The following CADM1 variants were observed in gnomAD, a reference collection of about 807,000 sequenced individuals.
The protein encoded by CADM1 is cell adhesion molecule 1, also known as TSLC-1.
In CADM1, 15 loss-of-function variants were observed where a neutral mutation model predicts 53.1. The observed-to-expected ratio is 0.28, with a 90% CI of 0.19 to 0.44. The LOEUF (loss-of-function observed/expected upper bound fraction) is 0.44, where lower values mean the gene tolerates loss of function less well. CADM1 is among the 20% of genes least tolerant of loss of function. The pLI is 1.00. For missense variants in CADM1, 434 were observed against 611.3 expected (o/e 0.71, Z 3.06); for synonymous variants, 281 against 243.0 (o/e 1.16, Z -1.45).
chr11:115,237,449 C>T (rs1296673083), intron 3 of CADM1, among the ~76,000 whole-genome samples: 3 of 152,184 alleles, frequency 2.0e-5, no homozygotes, highest in African/African-American at 7.2e-5. Context: ...AATTTCCCTT[C>T]TACAGCTGTG....
intron 1 of CADM1, among the ~76,000 whole-genome samples, chr11:115,280,138 T>G (rs1332598719): frequency 1.3e-5 from 2 of 152,226 alleles, no homozygotes; most frequent in African/African-American, 4.8e-5. Flanking sequence ...ATCTTATTTC[T>G]GTGTTTCAAA....
chr11:115,412,111 C>A (rs188643457), intron 1 of CADM1, among the ~76,000 whole-genome samples: 3 of 152,138 alleles, frequency 2.0e-5, no homozygotes, highest in Admixed American at 2.0e-4. Context: ...CTTTATAATG[C>A]GAACTTAAGC....
intron 1 of CADM1, among the ~76,000 whole-genome samples, chr11:115,410,433 ATTGT>A (rs1249814556): frequency 6.6e-6 from 1 of 152,074 alleles, no homozygotes; most frequent in Non-Finnish European, 1.5e-5. Context: ...ATTTTCTTGC[ATTGT>A]TTAATTTAGA....
chr11:115,279,220 T>C (rs1022885245), intron 1 of CADM1, among the ~76,000 whole-genome samples: 1 of 152,180 alleles, frequency 6.6e-6, no homozygotes, highest in Non-Finnish European at 1.5e-5. Flanking sequence ...CATTAGCACT[T>C]ATTTCTAATT....
chr11:115,192,530 T>C (rs1016496176), intron 9 of CADM1, among the ~76,000 whole-genome samples: 4 of 152,222 alleles, frequency 2.6e-5, no homozygotes, highest in African/African-American at 9.6e-5. Context: ...TTTAAATAAC[T>C]GTTATAAATA....
chr11:115,383,132 A>G (rs947467129), intron 1 of CADM1, among the ~76,000 whole-genome samples: 3 of 152,194 alleles, frequency 2.0e-5, no homozygotes, highest in African/African-American at 4.8e-5. Context: ...TGATTCTTCT[A>G]TAACATTTTA....
chr11:115,202,851 G>T (rs45458897), intron 8 of CADM1, among the ~76,000 whole-genome samples: 4,715 of 145,356 alleles, frequency 0.032, 99 homozygotes, highest in Non-Finnish European at 0.053. Context: ...TATATGGTGG[G>T]TTTTTTTTTT....
At chr11:115,359,721 T>C (rs1231094665) in intron 1 of CADM1, among the ~76,000 whole-genome samples, 1 of 152,180 alleles carries the variant, frequency 6.6e-6, no homozygotes, top group Non-Finnish European at 1.5e-5. Flanking sequence ...GACTCAATCT[T>C]TGTTGAATGT....
intron 1 of CADM1, chr11:115,399,247 C>T (rs1046783373): frequency 1.3e-5 from 2 of 152,158 alleles, no homozygotes; most frequent in African/African-American, 4.8e-5. Context: ...AAGTTGGAAG[C>T]TGGTCCTTTT....
intron 1 of CADM1, among the ~76,000 whole-genome samples, chr11:115,258,980 G>T (rs138891582): frequency 9.9e-5 from 15 of 152,052 alleles, no homozygotes; most frequent in African/African-American, 3.6e-4. Flanking sequence ...AGAGAAAAAT[G>T]TTAACTTTCC....
chr11:115,373,696 A>G (rs1446659892), intron 1 of CADM1, among the ~76,000 whole-genome samples: 1 of 152,020 alleles, frequency 6.6e-6, no homozygotes, highest in Non-Finnish European at 1.5e-5. Flanking sequence ...TTAAGTATCT[A>G]TAACATAAAA....
chr11:115,214,067 C>T (rs1410243064), intron 7 of CADM1, among the ~76,000 whole-genome samples: 1 of 152,016 alleles, frequency 6.6e-6, no homozygotes, highest in Non-Finnish European at 1.5e-5. Flanking sequence ...AAAACAGACA[C>T]ATTTTTTAAA....
intron 8 of CADM1, among the ~76,000 whole-genome samples, chr11:115,200,670 T>C (rs1940382239): frequency 1.3e-5 from 2 of 152,194 alleles, no homozygotes; most frequent in African/African-American, 4.8e-5. Flanking sequence ...TAATTTTGTA[T>C]TTTTAGTGGA....
intron 10 of CADM1, among the ~76,000 whole-genome samples, chr11:115,184,200 TA>T (rs907811349): frequency 1.1e-4 from 17 of 148,550 alleles, no homozygotes; most frequent in Non-Finnish European, 1.6e-4. Context: ...TAATCTGACC[TA>T]AAAAAAAAAT....
chr11:115,332,180 GC>G (rs1339086863), intron 1 of CADM1, among the ~76,000 whole-genome samples: 1 of 152,174 alleles, frequency 6.6e-6, no homozygotes, highest in African/African-American at 2.4e-5. Context: ...AGAGTTGCCA[GC>G]CTCTTCCCTC....
At chr11:115,298,981 A>T (rs1312710070) in intron 1 of CADM1, among the ~76,000 whole-genome samples, 1 of 152,232 alleles carries the variant, frequency 6.6e-6, no homozygotes, top group African/African-American at 2.4e-5. Flanking sequence ...AATATCAAGA[A>T]GATCACCATG....
At chr11:115,431,549 T>C (rs78628725) in intron 1 of CADM1, among the ~76,000 whole-genome samples, 5,864 of 152,248 alleles carry the variant, frequency 0.039, 155 homozygotes, top group South Asian at 0.072. Context: ...CAAAGGCTTC[T>C]TATAACTCTT....
intron 1 of CADM1, 95 bp downstream of exon 1, chr11:115,504,176 G>T: frequency 1.3e-6 from 2 of 1,516,746 alleles, no homozygotes; most frequent in Non-Finnish European, 1.8e-6. Flanking sequence ...GGAAGTGGGG[G>T]GAGGTTGTCA....
At chr11:115,248,967 A>G (rs1225948813) in intron 1 of CADM1, among the ~76,000 whole-genome samples, 1 of 152,216 alleles carries the variant, frequency 6.6e-6, no homozygotes, top group Non-Finnish European at 1.5e-5. Context: ...GCCATCCAAC[A>G]AACGTGGACT....
Sources: allele counts gnomAD v4.1 joint callset (sites outside exome capture counted in the v4.1 genomes callset), GRCh38; gene constraint gnomAD v4.1.1; transcripts MANE v1.5; gene names NCBI Gene and HGNC (gene_info 2026-07-23, HGNC 2026-07-21).